Variants in SHROOM3 observed in about 807,000 individuals in gnomAD.
SHROOM3 encodes protein Shroom3.
Under a neutral mutation model 138.6 loss-of-function variants are expected in SHROOM3, and 47 were observed. That is an observed-to-expected ratio of 0.34 (90% CI 0.27 to 0.43). The LOEUF is 0.43. Ranked by LOEUF, SHROOM3 falls within the 20% of genes least tolerant of loss-of-function variation. The probability of loss-of-function intolerance (pLI) is 1.00; values close to 1 mark genes in which losing one functional copy is unlikely to be tolerated. For synonymous variants in SHROOM3, 1,062 were observed against 1,063.3 expected (o/e 1.00, Z 0.02); for missense variants, 2,491 against 2,596.5 (o/e 0.96, Z 0.88).
chr4:76,500,349 C>T (rs1245792686), intron 1 of SHROOM3, among the ~76,000 whole-genome samples: 1 of 152,168 alleles, frequency 6.6e-6, no homozygotes, highest in Non-Finnish European at 1.5e-5. Flanking sequence ...GCCAGCCGCT[C>T]TTGCAGCTAC....
chr4:76,678,821 C>G (rs574802065), intron 2 of SHROOM3, among the ~76,000 whole-genome samples: 2 of 152,046 alleles, frequency 1.3e-5, no homozygotes, highest in African/African-American at 2.4e-5. Context: ...CCACCATGCC[C>G]GGCTAATTTT....
Position 76,756,924 on chromosome 4 carries a change from T to C in SHROOM3, c.5185T>C (p.Cys1729Arg). 1 of 1,613,966 alleles carries C rather than the reference T, an allele frequency of 6.2e-7. No individual in the cohort carries two copies. Among genetic ancestry groups the C allele is most frequent in the Non-Finnish European group, 8.5e-7 (1 of 1,180,000 alleles). Residue 1729 changes from cysteine (C) to arginine (R), a missense_variant, in exon 8 of 11, where the codon TGT (cysteine) becomes CGT (arginine). Physicochemically the swap from Cys to Arg is radical, Grantham distance 180. Transcript: ENST00000296043. ...ACAGAGAACTGTCAGCTCTTCAGGA[T>C]GTGAAGGCAAGAGGTAAGTCCCTGG... ...AIQRTVSSSG[C>R]EGKRNEDKEA... is the part of the protein sequence containing the mutation.
chr4:76,577,030 T>G (rs1733953592), intron 2 of SHROOM3, among the ~76,000 whole-genome samples: 1 of 152,196 alleles, frequency 6.6e-6, no homozygotes, highest in Non-Finnish European at 1.5e-5. Flanking sequence ...GGTTCAGAAC[T>G]GAATACTGGA....
chr4:76,442,874 T>TATGAAA lies in SHROOM3; in HGVS notation c.168+6664_168+6669dup, dbSNP rs112403227. On this transcript the variant is annotated intron_variant, in intron 1 of 10. Coordinates refer to ENST00000296043, the MANE Select transcript of SHROOM3 (RefSeq NM_020859.4). ...TGGTGCTTAAACTATACGTAACAAT[T>TATGAAA]ATGAAAATGAAAATGTGAATGAATA... Among the ~76,000 whole-genome samples the TATGAAA allele has an allele frequency of 5.8e-3, 886 of 152,220 alleles. 16 individuals carry two copies. Among genetic ancestry groups the TATGAAA allele is most frequent in the African/African-American group, 0.02 (835 of 41,524 alleles).
intron 4 of SHROOM3, among the ~76,000 whole-genome samples, 160 bp from the exon 5 acceptor site, chr4:76,738,601 C>T (rs79145639): frequency 1.3e-5 from 2 of 152,222 alleles, no homozygotes; most frequent in Non-Finnish European, 2.9e-5. Flanking sequence ...AGCGATGACA[C>T]AGAAGGAGGC....
intron 1 of SHROOM3, among the ~76,000 whole-genome samples, chr4:76,491,738 C>T (rs1023401518): frequency 1.3e-5 from 2 of 152,086 alleles, no homozygotes; most frequent in African/African-American, 4.8e-5. Context: ...GAAAAAAGCA[C>T]CCCCCAACCC....
chr4:76,666,027 C>A (rs1215261011), intron 2 of SHROOM3, among the ~76,000 whole-genome samples: 3 of 152,108 alleles, frequency 2.0e-5, no homozygotes, highest in Non-Finnish European at 4.4e-5. Context: ...ATCACAAAAG[C>A]AAACAAGACT....
chr4:76,529,596 G>A (rs543953504), intron 1 of SHROOM3, among the ~76,000 whole-genome samples: 58 of 152,142 alleles, frequency 3.8e-4, no homozygotes, highest in African/African-American at 1.2e-3. Flanking sequence ...AAGTGCTGGG[G>A]TTACAGGCAT....
In SHROOM3 at chr4:76,703,266, G is replaced by A. The variant is rs186051501; in HGVS notation, c.324-6890G>A. Among the ~76,000 whole-genome samples the A allele has an allele frequency of 3.3e-5, 5 of 152,270 alleles. No individual in the cohort carries two copies. In the East Asian group the frequency reaches 9.6e-4, roughly 29 times the overall value. ...GACTAAAACACTAGATAGGATACAG[G>A]CCTGAGGGCATGCAGAGGGAGCTTC... On this transcript the variant is annotated intron_variant, in intron 2 of 10. Coordinates refer to ENST00000296043, the MANE Select transcript of SHROOM3 (RefSeq NM_020859.4).
At chr4:76,706,524 G>C (rs1720061843) in intron 2 of SHROOM3, among the ~76,000 whole-genome samples, 1 of 152,134 alleles carries the variant, frequency 6.6e-6, no homozygotes, top group Non-Finnish European at 1.5e-5. Flanking sequence ...TCTTCATGTT[G>C]ACTAGGCTGA....
rs767161627 is a variant in SHROOM3, at chr4:76,435,929, C to A, written c.-124C>A. ...ATTTTACGTATGGAAGAATTTGCTTCTCCAAACCTCTCTTTTGGCCATTGT... is the reference window on the plus strand; with the variant it reads ...ATTTTACGTATGGAAGAATTTGCTTATCCAAACCTCTCTTTTGGCCATTGT... On this transcript the variant is annotated 5_prime_UTR_variant, in exon 1 of 11. Coordinates refer to ENST00000296043, the MANE Select transcript of SHROOM3 (RefSeq NM_020859.4). 3 of 1,000,094 alleles carry A rather than the reference C, an allele frequency of 3.0e-6. No homozygotes were observed. Among genetic ancestry groups the A allele is most frequent in the Non-Finnish European group, 4.4e-6 (3 of 684,326 alleles). The allele number at this position is 1,000,094 out of a possible 1,614,324, so 62.0% of individuals were successfully genotyped here. A position where few individuals can be genotyped will look rare whatever the true frequency, so the allele number is the denominator to read the frequency against.
chr4:76,612,496 A>G (rs2110061971), intron 2 of SHROOM3, among the ~76,000 whole-genome samples: 1 of 152,356 alleles, frequency 6.6e-6, no homozygotes, highest in South Asian at 2.1e-4. Flanking sequence ...GATTACTGTC[A>G]GACTTAAAAG....
At chr4:76,602,790 T>C (rs1168531084) in intron 2 of SHROOM3, among the ~76,000 whole-genome samples, 1 of 152,204 alleles carries the variant, frequency 6.6e-6, no homozygotes, top group Non-Finnish European at 1.5e-5. Flanking sequence ...ATCCTGGCTC[T>C]GCCACTGACA....
At chr4:76,537,234 T>C (rs1162652140) in intron 1 of SHROOM3, among the ~76,000 whole-genome samples, 2 of 152,114 alleles carry the variant, frequency 1.3e-5, no homozygotes, top group Non-Finnish European at 2.9e-5. Flanking sequence ...AGTAGATGTG[T>C]ACATGGACAT....
At chr4:76,637,938 A>G (rs866029798) in intron 2 of SHROOM3, among the ~76,000 whole-genome samples, 2 of 152,120 alleles carry the variant, frequency 1.3e-5, no homozygotes, top group Non-Finnish European at 2.9e-5. Context: ...TAATGACTCA[A>G]TTCGTGTGCT....
chr4:76,574,822 G>T (rs113633474), intron 2 of SHROOM3, among the ~76,000 whole-genome samples: 9 of 152,192 alleles, frequency 5.9e-5, no homozygotes, highest in African/African-American at 1.9e-4. Context: ...CAGGTTGGGG[G>T]AGGGGAGATT....
intron 1 of SHROOM3, among the ~76,000 whole-genome samples, chr4:76,512,059 C>A (rs977997570): frequency 1.3e-5 from 2 of 152,130 alleles, no homozygotes; most frequent in African/African-American, 4.8e-5. Flanking sequence ...TAGAAAGATC[C>A]TCTTTCTTCA....
At position 76,564,890 on chromosome 4, in the gene SHROOM3, G is replaced by A. The variant is rs1022596166; in HGVS notation, c.323+9127G>A. 2.0e-5 allele frequency among the ~76,000 whole-genome samples: 3 copies of A among 152,034 alleles called. No individual in the cohort carries two copies. The East Asian group carries it at 5.8e-4, about 29-fold the overall frequency. On this transcript the variant is annotated intron_variant, in intron 2 of 10. Transcript: ENST00000296043. ...AAGAATGGCACTCAAGGCTGGGTGC[G>A]GTGGCTCATGCCTGTAATCCCAGCA...
chr4:76,670,587 CTT>C (rs1718851605), intron 2 of SHROOM3, among the ~76,000 whole-genome samples: 2 of 152,062 alleles, frequency 1.3e-5, no homozygotes, highest in South Asian at 2.1e-4. Context: ...TGAAAAATAA[CTT>C]AGATATTTTA....
Sources: gnomAD v4.1 joint callset for allele counts (sites outside exome capture counted in the v4.1 genomes callset) on GRCh38, gnomAD v4.1.1 for gene constraint, MANE v1.5 for transcripts, NCBI Gene and HGNC (gene_info 2026-07-23, HGNC 2026-07-21) for gene names.